MGST2: variants seen among roughly 807,000 people sequenced by gnomAD.
The protein encoded by MGST2 is microsomal glutathione S-transferase 2.
MGST2 carries 9 observed loss-of-function variants against 16.6 expected under a neutral mutation model. The observed-to-expected ratio is 0.54, with a 90% CI of 0.33 to 0.95. The LOEUF is 0.95. MGST2 is among the 40% of genes least tolerant of loss of function. The pLI is 0.03. For missense variants in MGST2, 159 were observed against 175.1 expected, an observed-to-expected ratio of 0.91 and a Z score of 0.52; for synonymous variants, 79 against 68.0, an observed-to-expected ratio of 1.16 and a Z score of -0.79.
In MGST2 at chr4:139,703,458, T is replaced by C. The variant is rs199817592; in HGVS notation, c.233T>C (p.Phe78Ser). ...WMAGWYFNQV[F>S]ATCLGLVYIY... The stretch of plus-strand genomic sequence containing the variant: ...TTTTTTTCCCACCCCCCTATAGTTT[T>C]TGCTACTTGTCTGGGTCTGGTGTAC... Residue 78 changes from phenylalanine (F) to serine (S), a missense_variant, in exon 4 of 5, where the codon TTT becomes TCT. By Grantham distance (155) the Phe-to-Ser change is radical. Coordinates refer to ENST00000265498, the MANE Select transcript of MGST2 (RefSeq NM_002413.5). The C allele has an allele frequency of 1.5e-4, 245 of 1,613,720 alleles. No homozygotes were observed. Among genetic ancestry groups the C allele is most frequent in the Non-Finnish European group, 1.1e-4 (125 of 1,179,780 alleles).
chr4:139,741,657 G>A (rs1261374264), downstream of MGST2, among the ~76,000 whole-genome samples: 1 of 152,178 alleles, frequency 6.6e-6, no homozygotes, highest in Non-Finnish European at 1.5e-5. Context: ...TGAGGTGGGA[G>A]GATCGCTTGA....
chr4:139,681,604 C>G (rs1731245625), intron 2 of MGST2, among the ~76,000 whole-genome samples: 1 of 152,124 alleles, frequency 6.6e-6, no homozygotes, highest in Non-Finnish European at 1.5e-5. Context: ...TAAACCGTCA[C>G]TTTTTTATTT....
At chr4:139,748,558 G>A in the MGST2 span, among the ~76,000 whole-genome samples, 6 of 152,166 alleles carry the variant, frequency 3.9e-5, no homozygotes, top group Non-Finnish European at 7.3e-5. Flanking sequence ...GAAAAGTCAG[G>A]CTGAGAAGAG....
chr4:139,717,493 C>T (rs1211971121), intron 5 of MGST2: 1 of 152,394 alleles, frequency 6.6e-6, no homozygotes, highest in Non-Finnish European at 1.5e-5. Context: ...CGCCCAGCCC[C>T]TGCCTGGGCT....
At chr4:139,690,730 G>A (rs1726528344) in intron 2 of MGST2, among the ~76,000 whole-genome samples, 1 of 152,138 alleles carries the variant, frequency 6.6e-6, no homozygotes, top group African/African-American at 2.4e-5. Context: ...GAGCTGCCAG[G>A]CCACAGTTTG....
At chr4:139,676,452 A>G (rs1341884584) in intron 1 of MGST2, among the ~76,000 whole-genome samples, 1 of 152,178 alleles carries the variant, frequency 6.6e-6, no homozygotes, top group Non-Finnish European at 1.5e-5. Context: ...TCTGCAGGAA[A>G]GGCTGGTAGG....
At chr4:139,676,283 TC>T (rs1465569928) in intron 1 of MGST2, among the ~76,000 whole-genome samples, 5 of 152,226 alleles carry the variant, frequency 3.3e-5, no homozygotes, top group African/African-American at 1.2e-4. Context: ...TATGGCTCTA[TC>T]ATGATTTATT....
chr4:139,741,060 G>A (rs1397534966), downstream of MGST2, among the ~76,000 whole-genome samples: 1 of 152,192 alleles, frequency 6.6e-6, no homozygotes, highest in Non-Finnish European at 1.5e-5. Context: ...TGAGAGGAGG[G>A]CTACCCTTTT....
At chr4:139,729,483 C>T (rs1477661672) in intron 5 of MGST2, among the ~76,000 whole-genome samples, 1 of 152,114 alleles carries the variant, frequency 6.6e-6, no homozygotes, top group Admixed American at 6.6e-5. Flanking sequence ...TCATAAAATT[C>T]TGACCCTATC....
chr4:139,705,270 T>C (rs559154172), downstream of MGST2, among the ~76,000 whole-genome samples: 13 of 152,290 alleles, frequency 8.5e-5, no homozygotes, highest in South Asian at 2.7e-3. Flanking sequence ...AAGCAGTATT[T>C]TTATTAGAAA....
At chr4:139,677,510 T>G (rs565924947) in intron 1 of MGST2, among the ~76,000 whole-genome samples, 3 of 152,226 alleles carry the variant, frequency 2.0e-5, no homozygotes, top group African/African-American at 7.2e-5. Context: ...CTGCATTTTT[T>G]TTTTTTTTGA....
intron 5 of MGST2, chr4:139,718,049 T>C (rs1728062320): frequency 6.6e-6 from 1 of 152,178 alleles, no homozygotes; most frequent in South Asian, 2.1e-4. Context: ...ATATTTGTCT[T>C]TCTGATGAGT....
rs1047136605 is a variant in MGST2, at chr4:139,735,800, C to T, written c.*49-4412C>T. 4.6e-5 allele frequency among the ~76,000 whole-genome samples: 7 copies of T among 152,272 alleles called. No homozygotes were observed. The highest frequency in any genetic ancestry group is 4.6e-4 in the Admixed American group (7 of 15,304). On this transcript the variant is annotated intron_variant, in intron 5 of 5. Transcript: ENST00000616265. This position sits in a 1 kb window ranked among gnomAD's most constrained non-coding sequence, Gnocchi z 5.8. The stretch of plus-strand genomic sequence containing the variant: ...CCCCGGCAGGACCTAGACTGCCTCT[C>T]GGCGCAGGCGGCCCTAACAAAGAAG...
the MGST2 span, among the ~76,000 whole-genome samples, chr4:139,747,432 G>T: frequency 6.6e-6 from 1 of 152,196 alleles, no homozygotes; most frequent in Non-Finnish European, 1.5e-5. Context: ...AGTGGCTCAC[G>T]CCTGTAATCC....
At chr4:139,747,218 ACC>A in the MGST2 span, among the ~76,000 whole-genome samples, 39 of 152,192 alleles carry the variant, frequency 2.6e-4, no homozygotes, top group Non-Finnish European at 5.6e-4. Flanking sequence ...CCAAATCCAC[ACC>A]TTCTGCATCA....
intron 2 of MGST2, among the ~76,000 whole-genome samples, chr4:139,680,481 C>T (rs1402898745): frequency 6.6e-6 from 1 of 152,178 alleles, no homozygotes; most frequent in Non-Finnish European, 1.5e-5. Context: ...CCACTTTTCG[C>T]TTCAAGTTGC....
At chr4:139,737,544 C>T (rs149918854) in intron 5 of MGST2, among the ~76,000 whole-genome samples, 2,269 of 145,626 alleles carry the variant, frequency 0.016, 28 homozygotes, top group Middle Eastern at 0.044. Context: ...GAAAGAGCAC[C>T]AAAATATGCA....
intron 2 of MGST2, among the ~76,000 whole-genome samples, chr4:139,682,189 C>G (rs1009217122): frequency 1.3e-5 from 2 of 151,596 alleles, no homozygotes; most frequent in Non-Finnish European, 2.9e-5. Context: ...GCGAAAGACC[C>G]CAACTCAAAA....
chr4:139,698,664 C>T (rs1401186319), intron 3 of MGST2: 2 of 728,728 alleles, frequency 2.7e-6, no homozygotes, highest in Admixed American at 2.5e-5. Flanking sequence ...AGCAATCCTG[C>T]TCCCACATAA....
Sources: allele counts gnomAD v4.1 joint callset (sites outside exome capture counted in the v4.1 genomes callset), GRCh38; gene constraint gnomAD v4.1.1; non-coding constraint Gnocchi (gnomAD v3.1); transcripts MANE v1.5; gene names NCBI Gene and HGNC (gene_info 2026-07-23, HGNC 2026-07-21).